The following SPATA21 variants were observed in gnomAD, a reference collection of about 807,000 sequenced individuals.
SPATA21 encodes the protein spermatogenesis associated 21.
A neutral mutation model predicts 54.8 loss-of-function variants in SPATA21; 47 were observed. That is an observed-to-expected ratio of 0.86 (90% CI 0.68 to 1.09). SPATA21 has a LOEUF of 1.09. Among genes scored for constraint, SPATA21 ranks in the 50% least tolerant of loss-of-function variants. The probability of loss-of-function intolerance (pLI) is 0.00; values close to 1 mark genes in which losing one functional copy is unlikely to be tolerated. For missense variants in SPATA21, 599 were observed against 596.4 expected, an observed-to-expected ratio of 1.00 and a Z score of -0.05; for synonymous variants, 245 against 235.3, an observed-to-expected ratio of 1.04 and a Z score of -0.38.
intron 5 of SPATA21, among the ~76,000 whole-genome samples, chr1:16,413,464 T>C (rs796180279): frequency 3.3e-5 from 5 of 152,342 alleles, no homozygotes; most frequent in African/African-American, 1.2e-4. Flanking sequence ...TTGTGAATAA[T>C]ACTGCTATGA....
intron 3 of SPATA21, among the ~76,000 whole-genome samples, chr1:16,430,029 A>G (rs1384968548): frequency 6.7e-6 from 1 of 149,388 alleles, no homozygotes; most frequent in East Asian, 2.0e-4. Context: ...TTAGACGGAA[A>G]TCATTTGAAC....
chr1:16,401,483 A>G (rs2085445938), intron 10 of SPATA21, among the ~76,000 whole-genome samples: 1 of 150,960 alleles, frequency 6.6e-6, no homozygotes, highest in Non-Finnish European at 1.5e-5. Flanking sequence ...TTGTGTAGAG[A>G]CGTGGTCTCG....
At chr1:16,427,878 A>AGG in intron 3 of SPATA21, 1 of 1,548,690 alleles carries the variant, frequency 6.5e-7, no homozygotes, top group Non-Finnish European at 8.7e-7. Context: ...GTCTTGCTGG[A>AGG]GGCCCCTGCT....
At chr1:16,432,693 T>C (rs750257951) in intron 2 of SPATA21, 97 bp downstream of exon 2, 9 of 152,358 alleles carry the variant, frequency 5.9e-5, no homozygotes, top group Non-Finnish European at 1.3e-4. Flanking sequence ...ATCAGCACCA[T>C]TTCTATGGGT....
chr1:16,409,825 G>A lies in SPATA21; in HGVS notation c.363C>T (p.Pro121=), dbSNP rs768125487. 2 of 1,598,276 alleles carry A rather than the reference G, an allele frequency of 1.3e-6. No homozygotes were observed. The highest frequency in any genetic ancestry group is 1.1e-5 in the South Asian group (1 of 88,484). ...QKSPRTLTPV[P]TSAPSLPQTP... is the part of the protein sequence containing the mutation. The stretch of plus-strand genomic sequence containing the variant: ...TCTGAGGCAGGCTTGGAGCTGAGGT[G>A]GGCACCGGGGTCAGGGTCCTGGGCG... Residue 121 remains proline, a synonymous_variant, in exon 6 of 13, where the codon CCC becomes CCT. Transcript: ENST00000335496. This position sits in a 1 kb window ranked among gnomAD's most constrained non-coding sequence, Gnocchi z 4.1.
chr1:16,425,766 C>T (rs1410158043), intron 3 of SPATA21: 4 of 1,521,828 alleles, frequency 2.6e-6, no homozygotes, highest in Middle Eastern at 1.7e-4. Flanking sequence ...CTTTAGCTCC[C>T]AGACTGGGGC....
At chr1:16,431,654 G>A (rs1273306674) in intron 2 of SPATA21, among the ~76,000 whole-genome samples, 1 of 152,178 alleles carries the variant, frequency 6.6e-6, no homozygotes, top group African/African-American at 2.4e-5. Context: ...GAAGGCACAA[G>A]ACTTGCCCAA....
chr1:16,407,883 A>G (rs756806288), intron 7 of SPATA21, among the ~76,000 whole-genome samples: 37 of 152,154 alleles, frequency 2.4e-4, no homozygotes, highest in African/African-American at 3.4e-4. Flanking sequence ...CTCCCACCTC[A>G]GCCTCCTGGG....
intron 7 of SPATA21, 133 bp from the exon 8 acceptor site, chr1:16,405,237 C>A: frequency 2.3e-6 from 3 of 1,291,266 alleles, no homozygotes; most frequent in Non-Finnish European, 2.1e-6. Flanking sequence ...TGCGTTGGCT[C>A]ACACCTGTAA....
At position 16,403,970 on chromosome 1, in the gene SPATA21, A is replaced by G; in HGVS notation, c.881T>C (p.Val294Ala). 6.3e-7 allele frequency: 1 copy of G among 1,589,338 alleles called. No individual in the cohort carries two copies. Among genetic ancestry groups the G allele is most frequent in the East Asian group, 2.3e-5 (1 of 43,558 alleles). ...MTDTRRFFCS[V>A]EQNALSDMAP... ...ACGCTGGGCTCATCCCTGCTCACCCACAGAGCAGAAGAAGCGCCTGGTGTC... is the reference window on the plus strand; with the variant it reads ...ACGCTGGGCTCATCCCTGCTCACCCGCAGAGCAGAAGAAGCGCCTGGTGTC... The change falls in exon 9 of 13, where the codon GTG (valine) becomes GCG (alanine). Residue 294 changes from valine (V) to alanine (A), a missense_variant and splice_region_variant. Physicochemically the swap from Val to Ala is moderately conservative, Grantham distance 64. Transcript: ENST00000335496.
chr1:16,412,025 A>T (rs2100825884), intron 5 of SPATA21, among the ~76,000 whole-genome samples: 1 of 152,148 alleles, frequency 6.6e-6, no homozygotes, highest in South Asian at 2.1e-4. Context: ...CATTAGACAC[A>T]GATGCCCATT....
At chr1:16,403,914 C>G in intron 9 of SPATA21, 54 bp downstream of exon 9, 1 of 1,613,058 alleles carries the variant, frequency 6.2e-7, no homozygotes, top group Non-Finnish European at 8.5e-7. Context: ...TCCCCGCAAC[C>G]AACCTCCCAG....
chr1:16,426,579 AT>A (rs869271995), intron 3 of SPATA21, among the ~76,000 whole-genome samples: 8,281 of 106,508 alleles, frequency 0.078, 313 homozygotes, highest in African/African-American at 0.13. Context: ...ATATATATAT[AT>A]TTTTTTTTTT....
chr1:16,402,472 A>G (rs553834235), intron 10 of SPATA21, among the ~76,000 whole-genome samples: 3 of 151,490 alleles, frequency 2.0e-5, no homozygotes, highest in Admixed American at 6.6e-5. Flanking sequence ...CATGTTAGCC[A>G]GGATGCTCTC....
intron 1 of SPATA21, among the ~76,000 whole-genome samples, chr1:16,436,213 C>T (rs530447206): frequency 6.6e-6 from 1 of 152,044 alleles, no homozygotes; most frequent in South Asian, 2.1e-4. Flanking sequence ...ATGGAGAAAC[C>T]CCGTCTCTAC....
intron 1 of SPATA21, among the ~76,000 whole-genome samples, chr1:16,435,398 C>G (rs1471154244): frequency 6.6e-6 from 1 of 151,986 alleles, no homozygotes; most frequent in Non-Finnish European, 1.5e-5. Context: ...CTCACTGCAA[C>G]CTCCGTCTCC....
At position 16,422,035 on chromosome 1, in the gene SPATA21, T is replaced by G. The variant is rs1430905456; in HGVS notation, c.35-64A>C. The G allele has an allele frequency of 3.7e-6, 6 of 1,613,242 alleles. No homozygotes were observed. In the African/African-American group the frequency reaches 6.7e-5, roughly 18 times the overall value. On this transcript the variant is annotated intron_variant, in intron 3 of 12. Coordinates refer to ENST00000335496, the MANE Select transcript of SPATA21 (RefSeq NM_198546.1). ...GAGCTGTCCCCATGTCCCCCTGGGCTGGGCTCTGGCGGAGCCTCCTGTGGC... is the reference window on the plus strand; with the variant it reads ...GAGCTGTCCCCATGTCCCCCTGGGCGGGGCTCTGGCGGAGCCTCCTGTGGC...
rs12058228 is a variant in SPATA21, at chr1:16,418,268, T to C, written c.144+3241A>G. On this transcript the variant is annotated intron_variant, in intron 5 of 12. Coordinates refer to ENST00000335496, the MANE Select transcript of SPATA21 (RefSeq NM_198546.1). ...GAATAGTTCTTATTTCTCTCTCTCTTTTTTTTATTTTTATTTTTTTTGAGA... is the reference window on the plus strand; with the variant it reads ...GAATAGTTCTTATTTCTCTCTCTCTCTTTTTTATTTTTATTTTTTTTGAGA... Among the ~76,000 whole-genome samples the C allele has an allele frequency of 7.2e-3, 1,095 of 152,222 alleles. 8 individuals carry two copies. The highest frequency in any genetic ancestry group is 0.025 in the African/African-American group (1,027 of 41,546).
intron 2 of SPATA21, 148 bp from the exon 3 acceptor site, chr1:16,431,570 G>C: frequency 1.5e-6 from 1 of 685,718 alleles, no homozygotes; most frequent in Non-Finnish European, 2.4e-6. Flanking sequence ...AGCAAAACCA[G>C]AGAGCTAGCC....
Sources: allele counts gnomAD v4.1 joint callset (sites outside exome capture counted in the v4.1 genomes callset), GRCh38; gene constraint gnomAD v4.1.1; non-coding constraint Gnocchi (gnomAD v3.1); transcripts MANE v1.5; gene names NCBI Gene and HGNC (gene_info 2026-07-23, HGNC 2026-07-21).